DGKG: variants seen among roughly 807,000 people sequenced by gnomAD.
The protein encoded by DGKG is DAG kinase gamma.
DGKG carries 78 observed loss-of-function variants against 105.3 expected under a neutral mutation model. The ratio of observed to expected loss-of-function variants is 0.74; its 90% confidence interval spans 0.62 to 0.89. DGKG has a LOEUF of 0.89. Among genes scored for constraint, DGKG ranks in the 40% least tolerant of loss-of-function variants. The probability of loss-of-function intolerance (pLI) is 0.00; values close to 1 mark genes in which losing one functional copy is unlikely to be tolerated. For synonymous variants in DGKG, 346 were observed against 367.1 expected, an observed-to-expected ratio of 0.94 and a Z score of 0.66; for missense variants, 958 against 1,020.1, an observed-to-expected ratio of 0.94 and a Z score of 0.83.
intron 21 of DGKG, chr3:186,207,359 G>C (rs1450615672): frequency 1.3e-6 from 1 of 777,772 alleles, no homozygotes; most frequent in Non-Finnish European, 1.6e-6. Flanking sequence ...CGGGTGTCTG[G>C]CAAATCTGGA....
At chr3:186,152,652 A>G (rs1402242737) in intron 24 of DGKG, among the ~76,000 whole-genome samples, 1 of 152,074 alleles carries the variant, frequency 6.6e-6, no homozygotes, top group African/African-American at 2.4e-5. Context: ...TCCCGCTGGT[A>G]GAGCCCCTCC....
At chr3:186,324,103 T>TC (rs1725220116) in intron 1 of DGKG, among the ~76,000 whole-genome samples, 6 of 91,398 alleles carry the variant, frequency 6.6e-5, no homozygotes, top group African/African-American at 3.8e-4. Context: ...TGAGAGTCTG[T>TC]CAAAAAAAAA....
At chr3:186,193,844 C>T (rs921891181) in intron 21 of DGKG, among the ~76,000 whole-genome samples, 7 of 152,242 alleles carry the variant, frequency 4.6e-5, no homozygotes, top group African/African-American at 1.4e-4. Flanking sequence ...GGTCCCCGCG[C>T]GCACCGTGGG....
intron 20 of DGKG, among the ~76,000 whole-genome samples, chr3:186,234,070 G>A (rs942126323): frequency 5.9e-5 from 9 of 152,226 alleles, no homozygotes; most frequent in African/African-American, 2.2e-4. Context: ...CTGCACTTGA[G>A]GATGGCTCTG....
At position 186,265,657 on chromosome 3, in the gene DGKG, CTTTTTTTTTTTTT is replaced by C. The variant is rs68014632; in HGVS notation, c.1210-364_1210-352del. Among the ~76,000 whole-genome samples the C allele has an allele frequency of 1.3e-4, 10 of 77,386 alleles. 1 individual carries two copies. The South Asian group carries it at 4.0e-3, about 31-fold the overall frequency. 50.8% of individuals were successfully genotyped at this position (77,386 alleles called of 152,430 possible). On this transcript the variant is annotated intron_variant, in intron 13 of 24. Transcript: ENST00000265022. ...TTGGCGACTTGGCTTTTCTTCCTTT[CTTTTTTTTTTTTT>C]TTTTTTTTTTTGAGACGGAGTCTCG...
intron 20 of DGKG, among the ~76,000 whole-genome samples, chr3:186,214,492 T>C (rs1304452315): frequency 6.6e-6 from 1 of 152,184 alleles, no homozygotes; most frequent in African/African-American, 2.4e-5. Flanking sequence ...TAAGGATGTG[T>C]AGCTATAGAT....
chr3:186,211,101 G>A lies in DGKG; in HGVS notation c.1917+694C>T, dbSNP rs564802672. ...TCTGAGGCAGGCCCCTACAAGTGCC[G>A]GAAGAGTTAGTGAAACACAAGTGCA... is the stretch of plus-strand genomic sequence containing the variant. On this transcript the variant is annotated intron_variant, in intron 21 of 24. Transcript: ENST00000265022. 3.1e-4 allele frequency among the ~76,000 whole-genome samples: 47 copies of A among 152,350 alleles called. 1 individual carries two copies. The Middle Eastern group carries it at 0.01, about 33-fold the overall frequency.
At chr3:186,251,274 G>A (rs916783554) in intron 19 of DGKG, among the ~76,000 whole-genome samples, 2 of 152,184 alleles carry the variant, frequency 1.3e-5, no homozygotes, top group African/African-American at 4.8e-5. Flanking sequence ...GATGCCCATG[G>A]AGTGAGTGGA....
intron 9 of DGKG, among the ~76,000 whole-genome samples, chr3:186,278,426 G>C (rs1428421724): frequency 6.6e-6 from 1 of 152,170 alleles, no homozygotes; most frequent in Non-Finnish European, 1.5e-5. Flanking sequence ...CATTGGGTGA[G>C]AGGCGTGATG....
intron 24 of DGKG, among the ~76,000 whole-genome samples, chr3:186,150,629 CA>C (rs1229881296): frequency 6.6e-6 from 1 of 152,224 alleles, no homozygotes; most frequent in Non-Finnish European, 1.5e-5. Context: ...CCTGCCAAGG[CA>C]GTGCTGAGAT....
At chr3:186,300,914 G>A (rs778556613) in intron 3 of DGKG, among the ~76,000 whole-genome samples, 30 of 152,206 alleles carry the variant, frequency 2.0e-4, no homozygotes, top group Non-Finnish European at 4.1e-4. Context: ...CAAATTGTGA[G>A]TGTTGAACTA....
At chr3:186,267,091 T>G (rs1237670753) in intron 13 of DGKG, among the ~76,000 whole-genome samples, 2 of 152,132 alleles carry the variant, frequency 1.3e-5, no homozygotes, top group Admixed American at 6.5e-5. Context: ...TTTGCTGCTT[T>G]CATTTCCAAA....
chr3:186,191,940 C>T (rs1397083845), intron 21 of DGKG, among the ~76,000 whole-genome samples: 1 of 152,220 alleles, frequency 6.6e-6, no homozygotes, highest in Non-Finnish European at 1.5e-5. Context: ...ACCCTCCTAT[C>T]CTTCATACAC....
intron 21 of DGKG, among the ~76,000 whole-genome samples, chr3:186,189,743 A>G (rs1341645136): frequency 9.2e-5 from 14 of 152,136 alleles, no homozygotes; most frequent in African/African-American, 2.7e-4. Flanking sequence ...TGTTTCCCCA[A>G]CTACAAGATG....
intron 1 of DGKG, among the ~76,000 whole-genome samples, chr3:186,338,421 T>C (rs1259681296): frequency 2.0e-5 from 3 of 152,200 alleles, no homozygotes; most frequent in Non-Finnish European, 2.9e-5. Context: ...CCCTAGTTTA[T>C]TCATGTGAGT....
At chr3:186,330,116 C>T (rs897488855) in intron 1 of DGKG, among the ~76,000 whole-genome samples, 2 of 152,160 alleles carry the variant, frequency 1.3e-5, no homozygotes, top group African/African-American at 4.8e-5. Flanking sequence ...TCAAGAAGAA[C>T]AGAAGATGCA....
At chr3:186,242,822 C>T (rs1720753386) in intron 19 of DGKG, among the ~76,000 whole-genome samples, 1 of 152,030 alleles carries the variant, frequency 6.6e-6, no homozygotes, top group African/African-American at 2.4e-5. Flanking sequence ...CACTCTAGCC[C>T]GGACCCGCTG....
At position 186,231,532 on chromosome 3, in the gene DGKG, A is replaced by G. The variant is rs1720152566; in HGVS notation, c.1826+10972T>C. Reference sequence around the variant, plus strand: ...AAGCTCTCAATAAATGATGGCTACTATTGTTGGTATGGGTTGGAGCAGGAC... The same window carrying G: ...AAGCTCTCAATAAATGATGGCTACTGTTGTTGGTATGGGTTGGAGCAGGAC... On this transcript the variant is annotated intron_variant, in intron 20 of 24. Transcript: ENST00000265022. This position sits in a 1 kb window ranked among gnomAD's most constrained non-coding sequence, Gnocchi z 4.5. Among the ~76,000 whole-genome samples, 1 of 152,184 alleles carries G rather than the reference A, an allele frequency of 6.6e-6. No individual in the cohort carries two copies. The highest frequency in any genetic ancestry group is 1.5e-5 in the Non-Finnish European group (1 of 68,022).
At chr3:186,216,763 C>G (rs74760494) in intron 20 of DGKG, among the ~76,000 whole-genome samples, 1,921 of 152,288 alleles carry the variant, frequency 0.013, 19 homozygotes, top group Middle Eastern at 0.031. Flanking sequence ...TCCTTCTTCT[C>G]TTTTGAAGCT....
Sources: gnomAD v4.1 joint callset for allele counts (sites outside exome capture counted in the v4.1 genomes callset) on GRCh38, gnomAD v4.1.1 for gene constraint, Gnocchi (gnomAD v3.1) non-coding constraint, MANE v1.5 for transcripts, NCBI Gene and HGNC (gene_info 2026-07-23, HGNC 2026-07-21) for gene names.